Variants in FARSB observed in about 807,000 individuals in gnomAD.
FARSB encodes the protein phenylalanine--tRNA ligase beta subunit.
In FARSB, 40 loss-of-function variants were observed where a neutral mutation model predicts 69.6. The ratio of observed to expected loss-of-function variants is 0.57; its 90% confidence interval spans 0.45 to 0.75. The LOEUF (loss-of-function observed/expected upper bound fraction) is 0.75. Among genes scored for constraint, FARSB ranks in the 30% least tolerant of loss-of-function variants. FARSB has a pLI of 0.00. For missense variants in FARSB, 632 were observed against 722.9 expected, an observed-to-expected ratio of 0.87 and a Z score of 1.44; for synonymous variants, 235 against 247.2, an observed-to-expected ratio of 0.95 and a Z score of 0.46.
In FARSB at chr2:222,639,562, GA is replaced by G; in HGVS notation, c.455+17del. On this transcript the variant is annotated intron_variant, in intron 5 of 16. Coordinates refer to ENST00000281828, the MANE Select transcript of FARSB (RefSeq NM_005687.5). Reference sequence around the variant, plus strand: ...GGGAAAGGGGAAGGCAAGGAAGAAAGAAAATGCAACCACAAACCTGCAAATA... The same window carrying G: ...GGGAAAGGGGAAGGCAAGGAAGAAAGAAATGCAACCACAAACCTGCAAATA... 1 of 1,276,254 alleles carries G rather than the reference GA, an allele frequency of 7.8e-7. No homozygotes were observed. The highest frequency in any genetic ancestry group is 1.4e-5 in the South Asian group (1 of 73,652). The allele number at this position is 1,276,254 out of a possible 1,614,324, so 79.1% of individuals were successfully genotyped here.
intron 4 of FARSB, 34 bp downstream of exon 4, chr2:222,640,828 T>C (rs565977488): frequency 3.3e-4 from 391 of 1,201,408 alleles, no homozygotes; most frequent in Non-Finnish European, 4.5e-4. Flanking sequence ...AAAAGAAAAT[T>C]TTTAAAAGAA....
intron 2 of FARSB, 38 bp from the exon 3 acceptor site, chr2:222,643,043 A>G: frequency 7.5e-7 from 1 of 1,328,674 alleles, no homozygotes; most frequent in Non-Finnish European, 1.0e-6. Flanking sequence ...AAATTAAATA[A>G]TTTAAACTCT....
chr2:222,639,549 G>T lies in FARSB; in HGVS notation c.455+31C>A, dbSNP rs145848973. ...ATAGGGAGACAAAGGGAAAGGGGAA[G>T]GCAAGGAAGAAAGAAAATGCAACCA... On this transcript the variant is annotated intron_variant, in intron 5 of 16. Transcript: ENST00000281828. 1.2e-5 allele frequency: 12 copies of T among 1,039,554 alleles called. No individual in the cohort carries two copies. The Admixed American group carries it at 1.3e-4, about 11-fold the overall frequency. 64.4% of individuals were successfully genotyped at this position (1,039,554 alleles called of 1,614,324 possible). A position where few individuals can be genotyped will look rare whatever the true frequency, so the allele number is the denominator to read the frequency against.
rs925252949 is a variant in FARSB, at chr2:222,569,480, T to C, written c.*2391A>G. ...AGTTCAGGCTATTTCTCTAGGCATT[T>C]ATCAACTGGTGTTATGTAGTTAAAA... On this transcript the variant is annotated 3_prime_UTR_variant, in exon 17 of 17. Transcript: ENST00000281828. 6.6e-6 allele frequency: 1 copy of C among 152,230 alleles called. No individual in the cohort carries two copies. The highest frequency in any genetic ancestry group is 1.5e-5 in the Non-Finnish European group (1 of 68,046). 9.4% of individuals were successfully genotyped at this position (152,230 alleles called of 1,614,324 possible).
rs114863773 is a variant in FARSB at position 222,602,574 on chromosome 2, C to A, written c.1463-2491G>T. ...TGAGAATATGATAAAGGTGGCTTTT[C>A]TTTTTTTTTTTATACCATATTATCC... On this transcript the variant is annotated intron_variant, in intron 15 of 16. Coordinates refer to ENST00000281828, the MANE Select transcript of FARSB (RefSeq NM_005687.5). 7.8e-3 allele frequency among the ~76,000 whole-genome samples: 1,085 copies of A among 138,700 alleles called. 12 individuals carry two copies. The highest frequency in any genetic ancestry group is 0.027 in the African/African-American group (1,040 of 38,610). The allele number at this position is 138,700 out of a possible 152,430, so 91.0% of individuals were successfully genotyped here.
Position 222,649,315 on chromosome 2 carries a change from A to G in FARSB, c.59-520T>C, listed in dbSNP as rs188955822. ...AGAAAAAACTATTAAAGGCTTGATT[A>G]ATCTACACTAATATCAACTGTAGTT... On this transcript the variant is annotated intron_variant, in intron 1 of 16. Transcript: ENST00000281828. Among the ~76,000 whole-genome samples the G allele has an allele frequency of 2.6e-5, 4 of 151,890 alleles. No individual in the cohort carries two copies. In the East Asian group the frequency reaches 7.7e-4, roughly 29 times the overall value.
At chr2:222,599,709 G>GA (rs1330200348) in intron 16 of FARSB, among the ~76,000 whole-genome samples, 1 of 152,138 alleles carries the variant, frequency 6.6e-6, no homozygotes, top group African/African-American at 2.4e-5. Flanking sequence ...CAGTTGGAAC[G>GA]AAAGTATACT....
intron 16 of FARSB, among the ~76,000 whole-genome samples, chr2:222,578,387 G>T (rs1689886144): frequency 6.6e-6 from 1 of 152,204 alleles, no homozygotes; most frequent in Admixed American, 6.5e-5. Flanking sequence ...GGAAAGAATG[G>T]AAATGTCGAC....
chr2:222,641,321 T>G (rs1011998884), intron 3 of FARSB, among the ~76,000 whole-genome samples: 3 of 152,330 alleles, frequency 2.0e-5, no homozygotes, highest in Non-Finnish European at 4.4e-5. Flanking sequence ...GAAACAGAGC[T>G]TATGGAAAAT....
At chr2:222,592,533 G>A (rs189025718) in intron 16 of FARSB, among the ~76,000 whole-genome samples, 1 of 151,918 alleles carries the variant, frequency 6.6e-6, no homozygotes, top group African/African-American at 2.4e-5. Context: ...GATAAAAACT[G>A]AGTAATCAGA....
rs933541901 is a variant in FARSB at position 222,656,053 on chromosome 2, C to A, written c.21G>T (p.Lys7Asn). The change falls in exon 1 of 17, where the codon AAG becomes AAT. Residue 7 changes from lysine (K) to asparagine (N), a missense_variant. By Grantham distance (94) the Lys-to-Asn change is moderately conservative. Transcript: ENST00000281828. Reference protein sequence around the residue: MPTVSVKRDLLFQALGR... With the variant: MPTVSVNRDLLFQALGR... ...CCAGGGCTTGGAAGAGCAGATCACG[C>A]TTCACGCTGACAGTCGGCATGGTGT... 8 of 1,597,780 alleles carry A rather than the reference C, an allele frequency of 5.0e-6. No homozygotes were observed. Among genetic ancestry groups the A allele is most frequent in the Non-Finnish European group, 6.8e-6 (8 of 1,173,566 alleles).
chr2:222,586,101 G>A (rs1690105830), intron 16 of FARSB, among the ~76,000 whole-genome samples: 1 of 152,232 alleles, frequency 6.6e-6, no homozygotes, highest in Non-Finnish European at 1.5e-5. Context: ...AAAATGTTAA[G>A]GGCAGCCAGA....
At chr2:222,596,749 A>G (rs1455870710) in intron 16 of FARSB, among the ~76,000 whole-genome samples, 1 of 152,146 alleles carries the variant, frequency 6.6e-6, no homozygotes. Context: ...TTTGCTTAGG[A>G]GTCTGAAAAA....
At chr2:222,655,968 T>C in intron 1 of FARSB, 48 bp downstream of exon 1, 2 of 1,435,854 alleles carry the variant, frequency 1.4e-6, no homozygotes, top group Non-Finnish European at 1.9e-6. Flanking sequence ...AGGGAGGCCC[T>C]GCCTCCGAGA....
chr2:222,655,280 T>C (rs1261068151), intron 1 of FARSB, among the ~76,000 whole-genome samples: 1 of 152,180 alleles, frequency 6.6e-6, no homozygotes, highest in Non-Finnish European at 1.5e-5. Context: ...CCCTCCTTTT[T>C]TTCAATGGTT....
At chr2:222,611,084 C>T (rs951968748) in intron 15 of FARSB, among the ~76,000 whole-genome samples, 2 of 152,158 alleles carry the variant, frequency 1.3e-5, no homozygotes, top group African/African-American at 2.4e-5. Flanking sequence ...AGAAAACATA[C>T]TCCAAATAAA....
chr2:222,601,689 T>A (rs1690565197), intron 15 of FARSB, among the ~76,000 whole-genome samples: 1 of 152,166 alleles, frequency 6.6e-6, no homozygotes, highest in African/African-American at 2.4e-5. Context: ...TGAGATAGGG[T>A]CTCGCTCTGT....
intron 7 of FARSB, 111 bp from the exon 8 acceptor site, chr2:222,631,785 A>G: frequency 1.4e-6 from 1 of 727,254 alleles, no homozygotes; most frequent in South Asian, 1.7e-5. Flanking sequence ...CATATTAAAA[A>G]CTAACACCTT....
chr2:222,608,013 T>C (rs1397758402), intron 15 of FARSB, among the ~76,000 whole-genome samples: 3 of 152,140 alleles, frequency 2.0e-5, no homozygotes, highest in Admixed American at 2.0e-4. Flanking sequence ...TATACTCACG[T>C]TAGCAGATCT....
Sources: allele counts gnomAD v4.1 joint callset (sites outside exome capture counted in the v4.1 genomes callset), GRCh38; gene constraint gnomAD v4.1.1; transcripts MANE v1.5; gene names NCBI Gene and HGNC (gene_info 2026-07-23, HGNC 2026-07-21).